Variants in CEP112 observed in about 807,000 individuals in gnomAD.
CEP112 encodes the protein centrosomal protein 112, also known as centrosomal protein of 112 kDa.
CEP112 carries 127 observed loss-of-function variants against 153.0 expected under a neutral mutation model. The observed-to-expected ratio is 0.83, with a 90% confidence interval of 0.72 to 0.96. The LOEUF (loss-of-function observed/expected upper bound fraction) is 0.96, where lower values mean the gene tolerates loss of function less well. CEP112 is among the 40% of genes least tolerant of loss of function. CEP112 has a pLI of 0.00. For missense variants in CEP112, 1,089 were observed against 1,101.2 expected (o/e 0.99, Z 0.16); for synonymous variants, 358 against 374.4 (o/e 0.96, Z 0.51).
intron 21 of CEP112, among the ~76,000 whole-genome samples, chr17:65,782,970 A>T: frequency 6.6e-6 from 1 of 152,240 alleles, no homozygotes; most frequent in African/African-American, 2.4e-5. Context: ...CTAAAATAAA[A>T]GTTGAAAAAA....
At chr17:65,902,110 T>A (rs779280343) in intron 20 of CEP112, 42 bp downstream of exon 20, 1 of 1,497,192 alleles carries the variant, frequency 6.7e-7, no homozygotes, top group South Asian at 1.2e-5. Context: ...GATGACTTTT[T>A]AAAAACAGAT....
At chr17:66,078,369 T>G (rs1481904059) in intron 8 of CEP112, among the ~76,000 whole-genome samples, 1 of 151,590 alleles carries the variant, frequency 6.6e-6, no homozygotes, top group Non-Finnish European at 1.5e-5. Flanking sequence ...GGGATTCTCC[T>G]GCCTCAGCCT....
In CEP112 at chr17:65,970,399, T is replaced by C. The variant is rs867038502; in HGVS notation, c.1737-8801A>G. Among the ~76,000 whole-genome samples the C allele has an allele frequency of 1.8e-3, 167 of 93,600 alleles. 19 individuals are homozygous for C. Among genetic ancestry groups the C allele is most frequent in the African/African-American group, 5.7e-3 (155 of 27,012 alleles). The allele number at this position is 93,600 out of a possible 152,430, so 61.4% of individuals were successfully genotyped here. A position where few individuals can be genotyped will look rare whatever the true frequency, so the allele number is the denominator to read the frequency against. On this transcript the variant is annotated intron_variant, in intron 17 of 26. Coordinates refer to ENST00000535342, the MANE Select transcript of CEP112 (RefSeq NM_001199165.4). The stretch of plus-strand genomic sequence containing the variant: ...ACATCATGCATATATATTACATGCA[T>C]GCACACATCATGCATGTATATTACA...
chr17:66,128,281 C>T (rs1988295), intron 6 of CEP112, among the ~76,000 whole-genome samples: 52,587 of 127,614 alleles, frequency 0.41, 11,465 homozygotes, highest in East Asian at 0.87. Context: ...CCAGCCTGTG[C>T]GACACAGCAA....
At chr17:66,053,418 C>T (rs1914642) in intron 12 of CEP112, among the ~76,000 whole-genome samples, 86,440 of 151,790 alleles carry the variant, frequency 0.57, 25,777 homozygotes, top group African/African-American at 0.67. Context: ...ACCCAGGAGG[C>T]GGAGGTTGCA....
intron 24 of CEP112, among the ~76,000 whole-genome samples, chr17:65,670,086 GA>G (rs2046908696): frequency 6.6e-6 from 1 of 151,928 alleles, no homozygotes; most frequent in South Asian, 2.1e-4. Context: ...AATGTTTGCT[GA>G]ATAAGTGCCT....
At chr17:65,694,961 A>G (rs1302821943) in intron 23 of CEP112, among the ~76,000 whole-genome samples, 3 of 152,224 alleles carry the variant, frequency 2.0e-5, no homozygotes, top group Non-Finnish European at 2.9e-5. Flanking sequence ...TAAATTGTTT[A>G]TTCTGCAGAA....
intron 26 of CEP112, among the ~76,000 whole-genome samples, chr17:65,636,274 CTA>C (rs1166975418): frequency 6.6e-6 from 1 of 152,206 alleles, no homozygotes; most frequent in Non-Finnish European, 1.5e-5. Flanking sequence ...TAAACACAAT[CTA>C]TGTTAGTGAT....
At chr17:65,746,540 C>T (rs185911236) in intron 22 of CEP112, among the ~76,000 whole-genome samples, 1 of 151,906 alleles carries the variant, frequency 6.6e-6, no homozygotes, top group Non-Finnish European at 1.5e-5. Context: ...GAGAAATAAT[C>T]ATAATAATCA....
intron 11 of CEP112, among the ~76,000 whole-genome samples, chr17:66,061,823 C>A (rs1056570902): frequency 6.6e-6 from 1 of 152,078 alleles, no homozygotes; most frequent in African/African-American, 2.4e-5. Flanking sequence ...AGTTAAAAAG[C>A]AGGTATAATG....
intron 21 of CEP112, among the ~76,000 whole-genome samples, chr17:65,757,235 T>C (rs745328469): frequency 2.6e-5 from 4 of 152,136 alleles, no homozygotes; most frequent in African/African-American, 9.7e-5. Context: ...TGTTCTGTTA[T>C]GGCAGCCCAA....
intron 21 of CEP112, among the ~76,000 whole-genome samples, chr17:65,798,341 T>C (rs1446382085): frequency 6.6e-6 from 1 of 152,198 alleles, no homozygotes; most frequent in African/African-American, 2.4e-5. Flanking sequence ...TGAATTAGTG[T>C]ATACTGGGGA....
intron 4 of CEP112, among the ~76,000 whole-genome samples, chr17:66,167,289 C>T (rs1259764951): frequency 2.0e-5 from 3 of 152,094 alleles, no homozygotes; most frequent in Non-Finnish European, 4.4e-5. Context: ...TGAACTATTA[C>T]AATAATGATC....
At chr17:65,756,860 C>G (rs2052315694) in intron 21 of CEP112, among the ~76,000 whole-genome samples, 1 of 152,078 alleles carries the variant, frequency 6.6e-6, no homozygotes. Flanking sequence ...GAGACATGTC[C>G]TTGAGTTAAG....
chr17:65,750,589 G>T, intron 22 of CEP112, 73 bp downstream of exon 22: 2 of 1,266,908 alleles, frequency 1.6e-6, no homozygotes, highest in Non-Finnish European at 2.3e-6. Context: ...ACTTGAAAGT[G>T]CCAAGGCTTT....
rs2072499028 is a variant in CEP112, at chr17:66,176,883, G to C, written c.244C>G (p.Pro82Ala). The C allele has an allele frequency of 6.2e-7, 1 of 1,613,416 alleles. No homozygotes were observed. The highest frequency in any genetic ancestry group is 8.5e-7 in the Non-Finnish European group (1 of 1,179,806). Residue 82 changes from proline (P) to alanine (A), a missense_variant, in exon 3 of 27, where the codon CCT (proline) becomes GCT (alanine). Physicochemically the swap from Pro to Ala is conservative, Grantham distance 27 (BLOSUM62 -1). Transcript: ENST00000535342. ...CCGGGTTCAGGTCGGTGTGTAAAAG[G>C]GCCTTCAAGCGCACCTCGTTTAAGC... ...HMLKRGALEG[P>A]FTHRPEPGTL...
chr17:65,902,258 A>G lies in CEP112; in HGVS notation c.2057T>C (p.Leu686Pro), dbSNP rs2059896526. ...AATTTCCCGTTCATGGTCTCGGACTAGGCTATCCTTCTCTGCGTTATGCTG... is the reference window on the plus strand; with the variant it reads ...AATTTCCCGTTCATGGTCTCGGACTGGGCTATCCTTCTCTGCGTTATGCTG... ...LQQHNAEKDS[L>P]VRDHEREIEN... The change falls in exon 20 of 27, where the codon CTA becomes CCA. Residue 686 changes from leucine (L) to proline (P), a missense_variant. Transcript: ENST00000535342. The G allele has an allele frequency of 6.2e-7, 1 of 1,613,964 alleles. No homozygotes were observed. The highest frequency in any genetic ancestry group is 8.5e-7 in the Non-Finnish European group (1 of 1,179,950).
At chr17:65,979,935 A>G (rs1328727101) in intron 17 of CEP112, among the ~76,000 whole-genome samples, 1 of 152,100 alleles carries the variant, frequency 6.6e-6, no homozygotes, top group Non-Finnish European at 1.5e-5. Flanking sequence ...ACCATTCTAA[A>G]CTACACGATT....
In CEP112 at chr17:65,832,900, C is replaced by CA. The variant is rs534917839; in HGVS notation, c.2394+18903dup. Among the ~76,000 whole-genome samples, 1,253 of 152,014 alleles carry CA rather than the reference C, an allele frequency of 8.2e-3. 13 individuals are homozygous for CA. The highest frequency in any genetic ancestry group is 0.02 in the South Asian group (96 of 4,814). ...CCAAAACCTGGAACAGACAAAACAA[C>CA]AAAAAAAGAAAACTTTAGGCCAATA... On this transcript the variant is annotated intron_variant, in intron 21 of 26. Transcript: ENST00000535342.
Sources: allele counts gnomAD v4.1 joint callset (sites outside exome capture counted in the v4.1 genomes callset), GRCh38; gene constraint gnomAD v4.1.1; transcripts MANE v1.5; gene names NCBI Gene and HGNC (gene_info 2026-07-23, HGNC 2026-07-21).